TMTC3: variants seen among roughly 807,000 people sequenced by gnomAD.
The protein encoded by TMTC3 is protein O-mannosyl-transferase TMTC3.
TMTC3 carries 52 observed loss-of-function variants against 92.2 expected under a neutral mutation model. The ratio of observed to expected loss-of-function variants is 0.56; its 90% CI spans 0.45 to 0.71. TMTC3 has a LOEUF of 0.71. TMTC3 is among the 30% of genes least tolerant of loss of function. TMTC3 has a pLI of 0.00. For missense variants in TMTC3, 896 were observed against 1,057.1 expected (o/e 0.85, Z 2.11); for synonymous variants, 339 against 363.3 (o/e 0.93, Z 0.76).
At chr12:88,145,089 A>G (rs2040856308) in intron 1 of TMTC3, among the ~76,000 whole-genome samples, 1 of 152,166 alleles carries the variant, frequency 6.6e-6, no homozygotes, top group Non-Finnish European at 1.5e-5. Context: ...CTCTGTAGCA[A>G]TGAATTTATA....
At chr12:88,191,782 T>C (rs1592752069) in intron 12 of TMTC3, among the ~76,000 whole-genome samples, 1 of 151,844 alleles carries the variant, frequency 6.6e-6, no homozygotes, top group Non-Finnish European at 1.5e-5. Context: ...TGATCTCGGC[T>C]AACTGCTACC....
chr12:88,184,481 A>G (rs2041353977), intron 10 of TMTC3, among the ~76,000 whole-genome samples: 1 of 152,190 alleles, frequency 6.6e-6, no homozygotes, highest in South Asian at 2.1e-4. Flanking sequence ...GAAGGTTTGC[A>G]TCTTTCCCTA....
chr12:88,170,819 A>G (rs1369849975), intron 7 of TMTC3, among the ~76,000 whole-genome samples: 1 of 152,112 alleles, frequency 6.6e-6, no homozygotes, highest in Non-Finnish European at 1.5e-5. Context: ...GACCAAACTT[A>G]TTTCCTTCAC....
At chr12:88,176,174 A>G (rs201881486) in intron 9 of TMTC3, 34 bp from the exon 10 acceptor site, 1 of 1,435,114 alleles carries the variant, frequency 7.0e-7, no homozygotes, top group East Asian at 2.4e-5. Context: ...TTTTTTTTTA[A>G]TTGTAACTTT....
chr12:88,156,236 G>A (rs1271581034), intron 4 of TMTC3, among the ~76,000 whole-genome samples: 3 of 152,112 alleles, frequency 2.0e-5, no homozygotes, highest in African/African-American at 7.2e-5. Context: ...AGTTGTTTTG[G>A]CTTGTGAGCT....
rs546281618 is a variant in TMTC3, at chr12:88,158,472, G to A, written c.509-1642G>A. Among the ~76,000 whole-genome samples the A allele has an allele frequency of 2.0e-5, 3 of 151,740 alleles. No homozygotes were observed. In the East Asian group the frequency reaches 5.8e-4, roughly 29 times the overall value. ...CTATTATATTAGTATTGATGTTTTG[G>A]CCTAATGAGATTATAAGATTTTTTT... On this transcript the variant is annotated intron_variant, in intron 4 of 13. Coordinates refer to ENST00000266712, the MANE Select transcript of TMTC3 (RefSeq NM_181783.4).
chr12:88,143,927 T>C (rs1305951228), intron 1 of TMTC3, among the ~76,000 whole-genome samples: 1 of 152,212 alleles, frequency 6.6e-6, no homozygotes, highest in Non-Finnish European at 1.5e-5. Context: ...TGAGTGTTCC[T>C]CCCCTTTTTA....
At chr12:88,144,408 GT>G (rs374446950) in intron 1 of TMTC3, among the ~76,000 whole-genome samples, 6,269 of 147,176 alleles carry the variant, frequency 0.043, 217 homozygotes, top group African/African-American at 0.094. Flanking sequence ...CTTTTCTTCT[GT>G]TTTTTTTTTC....
chr12:88,176,145 T>G, intron 9 of TMTC3, 63 bp from the exon 10 acceptor site: 2 of 1,066,536 alleles, frequency 1.9e-6, no homozygotes, highest in Admixed American at 4.6e-5. Context: ...CAAACAAATA[T>G]CTGTATGAAC....
intron 1 of TMTC3, among the ~76,000 whole-genome samples, chr12:88,142,909 C>G (rs1336214906): frequency 1.3e-5 from 2 of 152,032 alleles, no homozygotes; most frequent in African/African-American, 4.8e-5. Flanking sequence ...CGGACCACTG[C>G]CGGGGGTGGA....
chr12:88,143,704 A>G (rs2040824558), intron 1 of TMTC3, among the ~76,000 whole-genome samples: 1 of 152,222 alleles, frequency 6.6e-6, no homozygotes, highest in South Asian at 2.1e-4. Context: ...TTCTTAATTC[A>G]TAATTTAACA....
chr12:88,157,837 TTATA>T (rs2041029062), intron 4 of TMTC3, among the ~76,000 whole-genome samples: 1 of 152,164 alleles, frequency 6.6e-6, no homozygotes, highest in African/African-American at 2.4e-5. Flanking sequence ...ATCAAAGTGT[TTATA>T]TAGTAATATA....
rs554520599 is a variant in TMTC3, at chr12:88,166,230, G to C, written c.798-100G>C. 6.0e-5 allele frequency: 70 copies of C among 1,164,744 alleles called. No individual in the cohort carries two copies. In the South Asian group the frequency reaches 1.1e-3, roughly 18 times the overall value. 72.2% of individuals were successfully genotyped at this position (1,164,744 alleles called of 1,614,324 possible). A position where few individuals can be genotyped will look rare whatever the true frequency, so the allele number is the denominator to read the frequency against. On this transcript the variant is annotated intron_variant, in intron 6 of 13. Transcript: ENST00000266712. ...TTTGTCTGTGTCTTCTGTTTAATAA[G>C]ATGATATATAAAATGTTTATTGTTT...
chr12:88,150,291 G>C (rs1470802279), intron 2 of TMTC3, among the ~76,000 whole-genome samples: 1 of 152,146 alleles, frequency 6.6e-6, no homozygotes, highest in Non-Finnish European at 1.5e-5. Context: ...GCTCTCTCAA[G>C]AACTCATTGT....
At chr12:88,160,968 A>T (rs2471545) in intron 6 of TMTC3, 117 bp downstream of exon 6, 1 of 1,038,208 alleles carries the variant, frequency 9.6e-7, no homozygotes, top group Non-Finnish European at 1.4e-6. Context: ...TTAAGCTATA[A>T]TTAACATTTT....
chr12:88,148,561 A>G, intron 2 of TMTC3, 57 bp downstream of exon 2: 2 of 1,267,320 alleles, frequency 1.6e-6, no homozygotes, highest in Non-Finnish European at 2.2e-6. Context: ...ATATTCTGGT[A>G]TTTTATTACT....
chr12:88,151,091 A>T (rs556946487), intron 2 of TMTC3, among the ~76,000 whole-genome samples: 1 of 151,552 alleles, frequency 6.6e-6, no homozygotes, highest in African/African-American at 2.4e-5. Context: ...TATTTCAGAT[A>T]ATCTCAGAGT....
Position 88,150,288 on chromosome 12 carries a change from C to T in TMTC3, c.189+1784C>T, listed in dbSNP as rs536697933. Reference sequence around the variant, plus strand: ...CACAGTTTTGAACAGCCAGCTCTCTCAAGAACTCATTGTAGCAAATACAGT... The same window carrying T: ...CACAGTTTTGAACAGCCAGCTCTCTTAAGAACTCATTGTAGCAAATACAGT... On this transcript the variant is annotated intron_variant, in intron 2 of 13. Transcript: ENST00000266712. Among the ~76,000 whole-genome samples, 15 of 152,238 alleles carry T rather than the reference C, an allele frequency of 9.9e-5. No individual in the cohort carries two copies. The East Asian group carries it at 2.7e-3, about 27-fold the overall frequency.
chr12:88,145,155 T>C (rs17015511), intron 1 of TMTC3, among the ~76,000 whole-genome samples: 5,913 of 152,262 alleles, frequency 0.039, 188 homozygotes, highest in African/African-American at 0.087. Flanking sequence ...AAAGTCATAG[T>C]AGCTTACTTC....
Sources: gnomAD v4.1 joint callset for allele counts (sites outside exome capture counted in the v4.1 genomes callset) on GRCh38, gnomAD v4.1.1 for gene constraint, MANE v1.5 for transcripts, NCBI Gene and HGNC (gene_info 2026-07-23, HGNC 2026-07-21) for gene names.